ZNF281: variants seen among roughly 807,000 people sequenced by gnomAD.
ZNF281 encodes the protein GC-box-binding zinc finger protein 1.
Under a neutral mutation model 58.8 loss-of-function variants are expected in ZNF281, and 2 were observed. The ratio of observed to expected loss-of-function variants is 0.03; its 90% CI spans 0.01 to 0.11. ZNF281 has a LOEUF of 0.11. ZNF281 is among the 10% of genes least tolerant of loss of function. The pLI, the probability that ZNF281 is intolerant of heterozygous loss-of-function variation, is 1.00. For synonymous variants in ZNF281, 465 were observed against 407.7 expected, an observed-to-expected ratio of 1.14 and a Z score of -1.69; for missense variants, 975 against 1,090.7, an observed-to-expected ratio of 0.89 and a Z score of 1.49.
In ZNF281 at chr1:200,407,798, G is replaced by A; in HGVS notation, c.1908C>T (p.His636=). The stretch of plus-strand genomic sequence containing the variant: ...CCAATTCTGAGTGTTCTCCTGAGGT[G>A]TGTAAATCCACTCGTGGTTCTGCAA... ...FNIAEPRVDL[H]TSGEHSELVQ... The change falls in exon 2 of 2, where the codon CAC becomes CAT. Residue 636 remains histidine, a synonymous_variant. Transcript: ENST00000367353. 1 of 1,614,170 alleles carries A rather than the reference G, an allele frequency of 6.2e-7. No individual in the cohort carries two copies. The highest frequency in any genetic ancestry group is 8.5e-7 in the Non-Finnish European group (1 of 1,180,046).
chr1:200,408,066 G>A lies in ZNF281; in HGVS notation c.1640C>T (p.Ala547Val). 1 of 1,614,188 alleles carries A rather than the reference G, an allele frequency of 6.2e-7. No homozygotes were observed. Among genetic ancestry groups the A allele is most frequent in the Non-Finnish European group, 8.5e-7 (1 of 1,180,022 alleles). Residue 547 changes from alanine (A) to valine (V), a missense_variant, in exon 2 of 2, where the codon GCC (alanine) becomes GTC (valine). Physicochemically the swap from Ala to Val is moderately conservative, Grantham distance 64. Around this residue, in one of 3 missense-constraint regions of ZNF281, gnomAD observed 579 missense variants for 608.9 expected, o/e 0.95. Coordinates refer to ENST00000367353, the MANE Select transcript of ZNF281 (RefSeq NM_001281293.2). ...TATAGAAAAGGCACTGTTGCTGCTG[G>A]CAGTTGGTAAATATCTTCTTTTCTT... ...FSKKRRYLPT[A>V]SSNSAFSINV...
Position 200,409,150 on chromosome 1 carries a change from G to T in ZNF281, c.556C>A (p.Gln186Lys). ...TCACGGTGGTGCTGGGCTGGTTGCT[G>T]CTGGACATGCTGGTGGAGAATACTG... ...DLSILHQHVQ[Q>K]QPAQHHRDVL... Residue 186 changes from glutamine to lysine, a missense_variant, in exon 2 of 2, where the codon CAG becomes AAG. This residue lies in a region of ZNF281 where 370 missense variants were observed against 360.9 expected (regional missense o/e 1.03). Transcript: ENST00000367353. 1 of 1,614,124 alleles carries T rather than the reference G, an allele frequency of 6.2e-7. No individual in the cohort carries two copies. The highest frequency in any genetic ancestry group is 8.5e-7 in the Non-Finnish European group (1 of 1,180,020).
rs1220095738 is a variant in ZNF281 at position 200,408,021 on chromosome 1, G to A, written c.1685C>T (p.Ser562Phe). ...TGCAGACTGAATGACAGACTGTTGG[G>A]AGACCATGTGTCCTACGTTTATAGA... ...AFSINVGHMV[S>F]QQSVIQSAGV... Residue 562 changes from serine to phenylalanine, a missense_variant, in exon 2 of 2, where the codon TCC (serine) becomes TTC (phenylalanine). By Grantham distance (155) the Ser-to-Phe change is radical. Around this residue, in one of 3 missense-constraint regions of ZNF281, gnomAD observed 579 missense variants for 608.9 expected, o/e 0.95. Coordinates refer to ENST00000367353, the MANE Select transcript of ZNF281 (RefSeq NM_001281293.2). 5.6e-6 allele frequency: 9 copies of A among 1,614,086 alleles called. No individual in the cohort carries two copies. The highest frequency in any genetic ancestry group is 1.1e-5 in the South Asian group (1 of 91,082).
In ZNF281 at chr1:200,409,653, C is replaced by T; in HGVS notation, c.53G>A (p.Gly18Asp). ...ACCACCGCCGCCGGAGCCGCTACCA[C>T]CGCTACTGCCGGTACCTCCGCCGCC... is the stretch of plus-strand genomic sequence containing the variant. ...LSGGGGTGSS[G>D]GSGSGGGGSG... The change falls in exon 2 of 2, where the codon GGT (glycine) becomes GAT (aspartate). Residue 18 changes from glycine (G) to aspartate (D), a missense_variant. Gly to Asp is a moderately conservative substitution (Grantham distance 94). Transcript: ENST00000367353. 1 of 1,558,656 alleles carries T rather than the reference C, an allele frequency of 6.4e-7. No individual in the cohort carries two copies. Among genetic ancestry groups the T allele is most frequent in the Non-Finnish European group, 8.7e-7 (1 of 1,153,472 alleles).
chr1:200,409,903 C>T (rs1477898252), intron 1 of ZNF281, 43 bp downstream of exon 1: 6 of 796,624 alleles, frequency 7.5e-6, no homozygotes, highest in South Asian at 1.8e-5. Context: ...GACTCTTCCC[C>T]AGGCCTCGCC....
Position 200,405,667 on chromosome 1 carries a change from C to T in ZNF281, c.*1351G>A, listed in dbSNP as rs1654428887. On this transcript the variant is annotated 3_prime_UTR_variant, in exon 2 of 2. Coordinates refer to ENST00000367353, the MANE Select transcript of ZNF281 (RefSeq NM_001281293.2). Reference sequence around the variant, plus strand: ...AGCAAGTTTTGATGACTTTACAAGACCCCTGTACAATACTAATGCACCCTT... The same window carrying T: ...AGCAAGTTTTGATGACTTTACAAGATCCCTGTACAATACTAATGCACCCTT... 1 of 152,150 alleles carries T rather than the reference C, an allele frequency of 6.6e-6. No homozygotes were observed. The highest frequency in any genetic ancestry group is 6.5e-5 in the Admixed American group (1 of 15,268). 9.4% of individuals were successfully genotyped at this position (152,150 alleles called of 1,614,324 possible).
At position 200,409,370 on chromosome 1, in the gene ZNF281, G is replaced by A. The variant is rs780121334; in HGVS notation, c.336C>T (p.Pro112=). 4.6e-6 allele frequency: 7 copies of A among 1,533,054 alleles called. No individual in the cohort carries two copies. The African/African-American group carries it at 9.7e-5, about 21-fold the overall frequency. 95.0% of individuals were successfully genotyped at this position (1,533,054 alleles called of 1,614,324 possible). A position where few individuals can be genotyped will look rare whatever the true frequency, so the allele number is the denominator to read the frequency against. Residue 112 remains proline, a synonymous_variant, in exon 2 of 2, where the codon CCC becomes CCT. Transcript: ENST00000367353. ...AGAACCCCCAGGAGGTCCTCTGCGA[G>A]GGGAAGGCCGCGGCTGACGCCGCCG... is the stretch of plus-strand genomic sequence containing the variant. ...KEPAASAAAF[P]SQRTSWGFLQ...
chr1:200,408,896 G>A lies in ZNF281; in HGVS notation c.810C>T (p.Phe270=). Residue 270 remains phenylalanine, a synonymous_variant, in exon 2 of 2, where the codon TTC becomes TTT. Transcript: ENST00000367353. ...PHICDHCSAA[F]RSSYHLRRHV... ...GTCTCCGCAGGTGATAGGAGCTTCG[G>A]AAAGCAGCACTACAGTGATCACAGA... The A allele has an allele frequency of 6.2e-7, 1 of 1,614,224 alleles. No homozygotes were observed. The highest frequency in any genetic ancestry group is 8.5e-7 in the Non-Finnish European group (1 of 1,180,040).
chr1:200,407,235 G>A lies in ZNF281; in HGVS notation c.2471C>T (p.Thr824Ile), dbSNP rs767821188. ...IDPQKDIEPRTTYQIENFAQA... is the reference protein window; with the variant it reads ...IDPQKDIEPRITYQIENFAQA... ...TGCAAAGTTCTCAATCTGATACGTTGTTCTAGGCTCTATGTCTTTCTGAGG... is the reference window on the plus strand; with the variant it reads ...TGCAAAGTTCTCAATCTGATACGTTATTCTAGGCTCTATGTCTTTCTGAGG... Residue 824 changes from threonine (T) to isoleucine (I), a missense_variant, in exon 2 of 2, where the codon ACA becomes ATA. Physicochemically the swap from Thr to Ile is moderately conservative, Grantham distance 89. Around this residue, in one of 3 missense-constraint regions of ZNF281, gnomAD observed 579 missense variants for 608.9 expected, o/e 0.95. Coordinates refer to ENST00000367353, the MANE Select transcript of ZNF281 (RefSeq NM_001281293.2). 1 of 1,614,202 alleles carries A rather than the reference G, an allele frequency of 6.2e-7. No homozygotes were observed. The highest frequency in any genetic ancestry group is 1.7e-5 in the Admixed American group (1 of 60,018).
chr1:200,409,690 C>T lies in ZNF281; in HGVS notation c.16G>A (p.Gly6Arg). 1 of 1,585,260 alleles carries T rather than the reference C, an allele frequency of 6.3e-7. No individual in the cohort carries two copies. Among genetic ancestry groups the T allele is most frequent in the Non-Finnish European group, 8.6e-7 (1 of 1,168,224 alleles). Residue 6 changes from glycine (G) to arginine (R), a missense_variant, in exon 2 of 2, where the codon GGG (glycine) becomes AGG (arginine). Gly to Arg is a moderately radical substitution (Grantham distance 125). This residue lies in a region of ZNF281 where 370 missense variants were observed against 360.9 expected (regional missense o/e 1.03). Transcript: ENST00000367353. MKIGS[G>R]FLSGGGGTGS... ...GTACCTCCGCCGCCACTCAGGAACC[C>T]ACTGCCGATTTTCATACCCCGGAGG...
In ZNF281 at chr1:200,408,779, T is replaced by C. The variant is rs769066417; in HGVS notation, c.927A>G (p.Lys309=). The change falls in exon 2 of 2, where the codon AAA becomes AAG. Residue 309 remains lysine, a synonymous_variant. Transcript: ENST00000367353. ...CAAATGGCTTCTCTCTACTATGAAT[T>C]TTCTCATGTCTCTGTAGTAGGTATT... The part of the protein sequence containing the change: ...IQKYLLQRHE[K]IHSREKPFGC... The C allele has an allele frequency of 6.2e-7, 1 of 1,614,182 alleles. No individual in the cohort carries two copies.
chr1:200,406,278 C>G lies in ZNF281; in HGVS notation c.*740G>C, dbSNP rs1558003696. ...TTACAGTTGAGATCAAGAGAGGGTG[C>G]TTTTTTTTTTTCCTTCTTTTATTAA... On this transcript the variant is annotated 3_prime_UTR_variant, in exon 2 of 2. Coordinates refer to ENST00000367353, the MANE Select transcript of ZNF281 (RefSeq NM_001281293.2). 6.9e-6 allele frequency: 1 copy of G among 144,950 alleles called. No individual in the cohort carries two copies. The highest frequency in any genetic ancestry group is 2.5e-5 in the African/African-American group (1 of 39,630). 9.0% of individuals were successfully genotyped at this position (144,950 alleles called of 1,614,324 possible). A position where few individuals can be genotyped will look rare whatever the true frequency, so the allele number is the denominator to read the frequency against.
chr1:200,407,510 C>T lies in ZNF281; in HGVS notation c.2196G>A (p.Leu732=). Residue 732 remains leucine (L), a synonymous_variant, in exon 2 of 2, where the codon TTG becomes TTA. Transcript: ENST00000367353. ...ACAACATCCCAAAAGGAGGCTTTGG[C>T]AATGAAGATGGCAACACTGAGGTAA... ...QSVTSVLPSS[L]PKPPFGMLFG... The T allele has an allele frequency of 6.2e-7, 1 of 1,614,160 alleles. No individual in the cohort carries two copies. Among genetic ancestry groups the T allele is most frequent in the Non-Finnish European group, 8.5e-7 (1 of 1,180,030 alleles).
rs1654577404 is a variant in ZNF281, at chr1:200,409,962, G to A, written c.-35C>T. 3.3e-6 allele frequency: 2 copies of A among 601,934 alleles called. No homozygotes were observed. The highest frequency in any genetic ancestry group is 5.8e-6 in the Non-Finnish European group (2 of 344,932). 37.3% of individuals were successfully genotyped at this position (601,934 alleles called of 1,614,324 possible). On this transcript the variant is annotated 5_prime_UTR_variant, in exon 1 of 2. Transcript: ENST00000367353. ...AATACTTACGGGTCCCGCCGCCGCC[G>A]CAGCCGCCGTCGCCTCCAGTTAATA...
chr1:200,408,936 C>A lies in ZNF281; in HGVS notation c.770G>T (p.Ser257Ile). The change falls in exon 2 of 2, where the codon AGT becomes ATT. Residue 257 changes from serine (S) to isoleucine (I), a missense_variant. Ser to Ile is a moderately radical substitution (Grantham distance 142, BLOSUM62 -2). Around this residue, in one of 3 missense-constraint regions of ZNF281, gnomAD observed 370 missense variants for 360.9 expected, o/e 1.03. Coordinates refer to ENST00000367353, the MANE Select transcript of ZNF281 (RefSeq NM_001281293.2). ...GTGATCACAGATATGAGGTTTCTGA[C>A]TTGGGGAGAGGATGGCACCTTCTCC... ...GDGEGAILSP[S>I]QKPHICDHCS... 6.2e-7 allele frequency: 1 copy of A among 1,614,234 alleles called. No homozygotes were observed.
At position 200,409,445 on chromosome 1, in the gene ZNF281, G is replaced by A. The variant is rs932178638; in HGVS notation, c.261C>T (p.Ala87=). 7.2e-6 allele frequency: 11 copies of A among 1,527,684 alleles called. No individual in the cohort carries two copies. The highest frequency in any genetic ancestry group is 1.4e-5 in the African/African-American group (1 of 72,490). 94.6% of individuals were successfully genotyped at this position (1,527,684 alleles called of 1,614,324 possible). A position where few individuals can be genotyped will look rare whatever the true frequency, so the allele number is the denominator to read the frequency against. Residue 87 remains alanine, a synonymous_variant, in exon 2 of 2, where the codon GCC becomes GCT. Coordinates refer to ENST00000367353, the MANE Select transcript of ZNF281 (RefSeq NM_001281293.2). The part of the protein sequence containing the change: ...VLSSSTSAAP[A]AEPPPPPAPD... ...GGGCTGGCGGAGGGGGGGGCTCAGCGGCCGGGGCTGCGGAGGTAGAGGAGG... is the reference window on the plus strand; with the variant it reads ...GGGCTGGCGGAGGGGGGGGCTCAGCAGCCGGGGCTGCGGAGGTAGAGGAGG...
rs1654512269 is a variant in ZNF281 at position 200,408,281 on chromosome 1, T to G, written c.1425A>C (p.Thr475=). ...ACACAAAGTTAAGGTAGTTTTTATC[T>G]GTATTCTTTCTGCTTCCTTTCTTAA... ...LIFKKGSRKN[T]DKNYLNFVSP... The change falls in exon 2 of 2, where the codon ACA becomes ACC. Residue 475 remains threonine (T), a synonymous_variant. Transcript: ENST00000367353. The G allele has an allele frequency of 6.2e-7, 1 of 1,611,450 alleles. No homozygotes were observed. The highest frequency in any genetic ancestry group is 1.1e-5 in the South Asian group (1 of 91,082).
Position 200,408,106 on chromosome 1 carries a change from C to T in ZNF281, c.1600G>A (p.Ala534Thr). ...CTTCTTTTCTTTGAAAACTGCATGG[C>T]ATCATCATAATTACTACTTATCTGA... ...QGQISSNYDD[A>T]MQFSKKRRYL... is the part of the protein sequence containing the mutation. Residue 534 changes from alanine to threonine, a missense_variant, in exon 2 of 2, where the codon GCC (alanine) becomes ACC (threonine). Transcript: ENST00000367353. The T allele has an allele frequency of 6.2e-7, 1 of 1,614,126 alleles. No individual in the cohort carries two copies. Among genetic ancestry groups the T allele is most frequent in the Admixed American group, 1.7e-5 (1 of 60,016 alleles).
rs144054524 is a variant in ZNF281, at chr1:200,407,531, G to A, written c.2175C>T (p.Thr725=). 1.9e-5 allele frequency: 31 copies of A among 1,614,082 alleles called. No homozygotes were observed. The African/African-American group carries it at 2.5e-4, about 13-fold the overall frequency. Residue 725 remains threonine, a synonymous_variant, in exon 2 of 2, where the codon ACC becomes ACT. Transcript: ENST00000367353. The part of the protein sequence containing the change: ...PLECGFGQSV[T]SVLPSSLPKP... ...TTGGCAATGAAGATGGCAACACTGA[G>A]GTAACAGATTGGCCGAAACCACACT...
Sources: allele counts gnomAD v4.1 joint callset, GRCh38; gene constraint gnomAD v4.1.1; regional missense constraint gnomAD v4.1.1; transcripts MANE v1.5; gene names NCBI Gene and HGNC (gene_info 2026-07-23, HGNC 2026-07-21).